APOO: variants seen among roughly 807,000 people sequenced by gnomAD.
APOO encodes the protein apolipoprotein O.
Under a neutral mutation model 23.1 loss-of-function variants are expected in APOO, and 11 were observed. The observed-to-expected ratio is 0.48, with a 90% CI of 0.30 to 0.79. The LOEUF (loss-of-function observed/expected upper bound fraction) is 0.79. Among genes scored for constraint, APOO ranks in the 30% least tolerant of loss-of-function variants. The pLI is 0.07. For missense variants in APOO, 160 were observed against 142.7 expected (o/e 1.12, Z -0.62); for synonymous variants, 59 against 54.8 (o/e 1.08, Z -0.34).
intron 1 of APOO, among the ~76,000 whole-genome samples, chrX:23,886,400 G>C (rs1021300451): frequency 1.8e-5 from 2 of 111,483 alleles, no homozygotes; most frequent in Non-Finnish European, 3.8e-5. Flanking sequence ...GGTTATTCAA[G>C]GTATATACAT....
chrX:23,904,205 T>A (rs971028627), intron 1 of APOO, among the ~76,000 whole-genome samples: 4 of 111,470 alleles, frequency 3.6e-5, no homozygotes, highest in African/African-American at 1.3e-4. Flanking sequence ...AAGAACTCCA[T>A]TGTGTTCATG....
At chrX:23,842,877 G>A (rs903334001) in intron 7 of APOO, among the ~76,000 whole-genome samples, 11 of 111,447 alleles carry the variant, frequency 9.9e-5, no homozygotes, top group East Asian at 2.8e-4. Context: ...GCATGGTGGC[G>A]CATGCCTGTA....
chrX:23,893,469 G>A (rs747875304), intron 1 of APOO, among the ~76,000 whole-genome samples: 1 of 110,917 alleles, frequency 9.0e-6, no homozygotes, highest in South Asian at 3.8e-4. Context: ...CAAGAGAAAT[G>A]AGTCCACAAT....
At chrX:23,850,450 T>C (rs1418957084) in intron 7 of APOO, among the ~76,000 whole-genome samples, 1 of 112,041 alleles carries the variant, frequency 8.9e-6, no homozygotes, top group African/African-American at 3.2e-5. Flanking sequence ...GAAAAATTCT[T>C]CACAAATTAT....
At chrX:23,864,446 G>T (rs1925247605) in intron 5 of APOO, among the ~76,000 whole-genome samples, 1 of 110,725 alleles carries the variant, frequency 9.0e-6, no homozygotes, top group Non-Finnish European at 1.9e-5. Context: ...GGGATTACAG[G>T]CACCCGCCAC....
chrX:23,893,183 C>T (rs1011908599), intron 1 of APOO, among the ~76,000 whole-genome samples: 5 of 107,391 alleles, frequency 4.7e-5, no homozygotes, highest in African/African-American at 6.8e-5. Flanking sequence ...TTTGGGAGGC[C>T]GAAGCGGGCA....
intron 1 of APOO, among the ~76,000 whole-genome samples, chrX:23,885,137 G>A (rs1289131904): frequency 6.4e-5 from 7 of 109,604 alleles, no homozygotes; most frequent in East Asian, 2.9e-4. Flanking sequence ...GGTGGCTCAC[G>A]TCTGTAATCC....
At chrX:23,897,753 C>T (rs1438364587) in intron 1 of APOO, among the ~76,000 whole-genome samples, 8 of 110,928 alleles carry the variant, frequency 7.2e-5, no homozygotes, top group East Asian at 2.8e-4. Flanking sequence ...TTTGGGAGGC[C>T]GAGGTGGGCG....
At chrX:23,867,109 T>TAAACGAAACGAAACG (rs57271337) in intron 5 of APOO, among the ~76,000 whole-genome samples, 1 of 104,316 alleles carries the variant, frequency 9.6e-6, no homozygotes, top group Non-Finnish European at 1.9e-5. Flanking sequence ...CAAATTAAGC[T>TAAACGAAACGAAACG]AAACGAAACG....
intron 1 of APOO, among the ~76,000 whole-genome samples, chrX:23,905,798 CTT>C (rs1203653686): frequency 8.9e-6 from 1 of 112,617 alleles, no homozygotes; most frequent in Non-Finnish European, 1.9e-5. Context: ...AGCAGTGAGT[CTT>C]ATAACTACCA....
At chrX:23,876,391 C>T (rs1489182720) in intron 3 of APOO, among the ~76,000 whole-genome samples, 3 of 97,800 alleles carry the variant, frequency 3.1e-5, no homozygotes, top group African/African-American at 7.8e-5. Context: ...GAGATCAGCC[C>T]GGGCAACATG....
At chrX:23,863,772 G>A (rs766469170) in intron 5 of APOO, among the ~76,000 whole-genome samples, 1 of 110,757 alleles carries the variant, frequency 9.0e-6, no homozygotes. Flanking sequence ...CAAGAACTGT[G>A]TTGAAGTCTC....
intron 7 of APOO, among the ~76,000 whole-genome samples, chrX:23,854,624 A>G (rs757856932): frequency 9.0e-6 from 1 of 110,978 alleles, no homozygotes; most frequent in South Asian, 3.8e-4. Flanking sequence ...GGGTTCAAGC[A>G]ATTCTCCTGC....
At chrX:23,849,882 A>G (rs1413223732) in intron 7 of APOO, among the ~76,000 whole-genome samples, 1 of 103,159 alleles carries the variant, frequency 9.7e-6, no homozygotes, top group Non-Finnish European at 2.0e-5. Flanking sequence ...ACAGAGTAAC[A>G]CTCCATCTCG....
chrX:23,846,767 G>A (rs1228104810), intron 7 of APOO, among the ~76,000 whole-genome samples: 1 of 111,077 alleles, frequency 9.0e-6, no homozygotes, highest in South Asian at 3.7e-4. Flanking sequence ...TATTCTGAAA[G>A]GGTTTCGGAT....
chrX:23,858,667 G>A lies in APOO; in HGVS notation c.455C>T (p.Pro152Leu). ...FMGLAASLYY[P>L]QQAIVFAQVS... ...CTGGGCAAACACGATGGCTTGTTGT[G>A]GATAATAGAGGGAGGCAGCTAATCC... The change falls in exon 6 of 9, where the codon CCA (proline) becomes CTA (leucine). Residue 152 changes from proline (P) to leucine (L), a missense_variant. Coordinates refer to ENST00000379226, the MANE Select transcript of APOO (RefSeq NM_024122.5). 1 of 1,210,763 alleles carries A rather than the reference G, an allele frequency of 8.3e-7. No individual in the cohort carries two copies. Among genetic ancestry groups the A allele is most frequent in the Non-Finnish European group, 1.1e-6 (1 of 895,047 alleles).
chrX:23,858,519 A>G (rs1924874474), intron 6 of APOO, 123 bp downstream of exon 6: 1 of 584,204 alleles, frequency 1.7e-6, no homozygotes, highest in Non-Finnish European at 2.7e-6. Context: ...GTATTCATCT[A>G]TATGTACAAA....
chrX:23,854,039 G>A (rs1329576396), intron 7 of APOO, among the ~76,000 whole-genome samples: 1 of 112,006 alleles, frequency 8.9e-6, no homozygotes, highest in Admixed American at 9.6e-5. Flanking sequence ...TCTGAAGAAG[G>A]CAAGGGTATA....
chrX:23,872,011 C>T lies in APOO; in HGVS notation c.292+2392G>A, dbSNP rs187579347. 1.3e-3 allele frequency among the ~76,000 whole-genome samples: 143 copies of T among 111,569 alleles called. 1 individual carries two copies. The highest frequency in any genetic ancestry group is 2.3e-3 in the Non-Finnish European group (122 of 53,143). Reference sequence around the variant, plus strand: ...TATTTTGCCTTTAGCCTAGTTTTTACTTTCCATCCTCTAGTCTGGGTCATT... The same window carrying T: ...TATTTTGCCTTTAGCCTAGTTTTTATTTTCCATCCTCTAGTCTGGGTCATT... On this transcript the variant is annotated intron_variant, in intron 4 of 8. Coordinates refer to ENST00000379226, the MANE Select transcript of APOO (RefSeq NM_024122.5).
Sources: gnomAD v4.1 joint callset for allele counts (sites outside exome capture counted in the v4.1 genomes callset) on GRCh38, gnomAD v4.1.1 for gene constraint, MANE v1.5 for transcripts, NCBI Gene and HGNC (gene_info 2026-07-23, HGNC 2026-07-21) for gene names.